Variants in DLG2 observed in about 807,000 individuals in gnomAD.
DLG2 encodes the protein disks large homolog 2.
DLG2 carries 45 observed loss-of-function variants against 132.5 expected under a neutral mutation model. The observed-to-expected ratio is 0.34, with a 90% CI of 0.27 to 0.44. The LOEUF (loss-of-function observed/expected upper bound fraction) is 0.44. DLG2 is among the 20% of genes least tolerant of loss of function. The probability of loss-of-function intolerance (pLI) is 1.00; values close to 1 mark genes in which losing one functional copy is unlikely to be tolerated. For synonymous variants in DLG2, 424 were observed against 419.6 expected, an observed-to-expected ratio of 1.01 and a Z score of -0.13; for missense variants, 1,045 against 1,196.9, an observed-to-expected ratio of 0.87 and a Z score of 1.87.
chr11:85,398,802 A>T (rs2087702454), intron 3 of DLG2, among the ~76,000 whole-genome samples: 1 of 152,200 alleles, frequency 6.6e-6, no homozygotes, highest in Non-Finnish European at 1.5e-5. Context: ...CTCACCAAAA[A>T]AAGTCCAGGA....
chr11:84,071,800 T>C (rs1019109724), intron 10 of DLG2, among the ~76,000 whole-genome samples: 2 of 152,192 alleles, frequency 1.3e-5, no homozygotes, highest in Non-Finnish European at 2.9e-5. Context: ...AAATCTTACT[T>C]AGAAGTCACA....
chr11:83,898,364 G>A (rs2072391861), intron 15 of DLG2, among the ~76,000 whole-genome samples: 1 of 151,956 alleles, frequency 6.6e-6, no homozygotes, highest in African/African-American at 2.4e-5. Flanking sequence ...ATTTTCTCAT[G>A]CTAGGGAGCT....
chr11:83,532,921 TTC>T (rs2095792130), intron 20 of DLG2, 138 bp from the exon 21 acceptor site: 1 of 718,210 alleles, frequency 1.4e-6, no homozygotes, highest in Non-Finnish European at 2.2e-6. Flanking sequence ...TCTTCCTTTG[TTC>T]CATATAAAAA....
At chr11:84,821,636 A>C (rs537150039) in intron 6 of DLG2, among the ~76,000 whole-genome samples, 6 of 127,930 alleles carry the variant, frequency 4.7e-5, no homozygotes, top group South Asian at 4.8e-4. Context: ...GTAAAAAAAA[A>C]AAAAACAACA....
At chr11:84,984,574 GA>G (rs60711411) in intron 6 of DLG2, among the ~76,000 whole-genome samples, 3,055 of 124,172 alleles carry the variant, frequency 0.025, 52 homozygotes, top group Admixed American at 0.052. Flanking sequence ...AAATACAATT[GA>G]AAAAAAAAAA....
At chr11:83,734,890 T>C (rs1381103424) in intron 18 of DLG2, among the ~76,000 whole-genome samples, 1 of 151,642 alleles carries the variant, frequency 6.6e-6, no homozygotes, top group Non-Finnish European at 1.5e-5. Flanking sequence ...ATTATATATA[T>C]ACACATATGT....
At chr11:85,151,938 G>A (rs1370496933) in intron 5 of DLG2, among the ~76,000 whole-genome samples, 2 of 152,082 alleles carry the variant, frequency 1.3e-5, no homozygotes, top group Admixed American at 6.5e-5. Context: ...AGAGACAAAG[G>A]GATTCTCATT....
At chr11:84,390,577 A>C (rs1032820535) in intron 7 of DLG2, among the ~76,000 whole-genome samples, 7 of 152,154 alleles carry the variant, frequency 4.6e-5, no homozygotes, top group African/African-American at 1.7e-4. Flanking sequence ...GTAAACAGGA[A>C]TGACCTAAAC....
intron 6 of DLG2, among the ~76,000 whole-genome samples, chr11:85,011,237 A>T (rs1280006270): frequency 6.6e-6 from 1 of 152,182 alleles, no homozygotes; most frequent in Non-Finnish European, 1.5e-5. Flanking sequence ...AAGACAGTAA[A>T]TGCCAGAATT....
chr11:83,831,256 G>A (rs1195963554), intron 17 of DLG2, among the ~76,000 whole-genome samples: 1 of 152,178 alleles, frequency 6.6e-6, no homozygotes, highest in Admixed American at 6.5e-5. Flanking sequence ...TATCATGAAA[G>A]TATTGAAGAA....
chr11:83,963,485 T>C (rs925687685), intron 13 of DLG2, among the ~76,000 whole-genome samples: 9 of 151,882 alleles, frequency 5.9e-5, no homozygotes, highest in African/African-American at 2.2e-4. Flanking sequence ...GGCCAAGAAC[T>C]CTGGCCTTTC....
At chr11:84,155,398 T>C (rs1284177618) in intron 9 of DLG2, among the ~76,000 whole-genome samples, 1 of 151,858 alleles carries the variant, frequency 6.6e-6, no homozygotes, top group Non-Finnish European at 1.5e-5. Context: ...CTATTCGAAG[T>C]GTGATGATTT....
chr11:85,479,744 T>A (rs573336778), intron 3 of DLG2, among the ~76,000 whole-genome samples: 4 of 152,292 alleles, frequency 2.6e-5, no homozygotes, highest in East Asian at 1.9e-4. Context: ...GTTCTGGAGC[T>A]TAGAAATCTG....
intron 10 of DLG2, among the ~76,000 whole-genome samples, chr11:84,064,683 A>C (rs957691810): frequency 9.8e-5 from 15 of 152,330 alleles, no homozygotes; most frequent in Admixed American, 9.8e-4. Context: ...GCATAAGAGA[A>C]TATATAAAGA....
intron 3 of DLG2, among the ~76,000 whole-genome samples, chr11:85,568,353 G>C (rs2077650366): frequency 6.6e-6 from 1 of 151,948 alleles, no homozygotes; most frequent in African/African-American, 2.4e-5. Context: ...GAGGATTTTT[G>C]CATCTGTATT....
At chr11:84,466,485 C>T (rs886358208) in intron 7 of DLG2, among the ~76,000 whole-genome samples, 7 of 151,050 alleles carry the variant, frequency 4.6e-5, no homozygotes, top group Admixed American at 6.6e-5. Flanking sequence ...GCAGAAGACA[C>T]AAACGACTAC....
At chr11:85,559,254 T>G (rs978810437) in intron 3 of DLG2, among the ~76,000 whole-genome samples, 1 of 150,534 alleles carries the variant, frequency 6.6e-6, no homozygotes, top group African/African-American at 2.4e-5. Flanking sequence ...CGGGTTCAAG[T>G]GATTCTCCTG....
intron 6 of DLG2, among the ~76,000 whole-genome samples, chr11:84,713,917 C>T (rs1252036696): frequency 1.3e-5 from 2 of 151,914 alleles, no homozygotes; most frequent in Non-Finnish European, 2.9e-5. Context: ...AACTGTTATA[C>T]AGCAATTAAA....
intron 7 of DLG2, among the ~76,000 whole-genome samples, chr11:84,449,528 T>A (rs574332046): frequency 1.3e-5 from 2 of 151,800 alleles, no homozygotes; most frequent in South Asian, 4.1e-4. Context: ...TTGTTAGTTG[T>A]ATTCTATATG....
Sources: allele counts gnomAD v4.1 joint callset (sites outside exome capture counted in the v4.1 genomes callset), GRCh38; gene constraint gnomAD v4.1.1; transcripts MANE v1.5; gene names NCBI Gene and HGNC (gene_info 2026-07-23, HGNC 2026-07-21).